The following CLK3 variants were observed in gnomAD, a reference collection of about 807,000 sequenced individuals.
The protein encoded by CLK3 is CDC like kinase 3, also known as dual specificity protein kinase CLK3.
A neutral mutation model predicts 65.2 loss-of-function variants in CLK3; 24 were observed. The ratio of observed to expected loss-of-function variants is 0.37; its 90% CI spans 0.27 to 0.52. The LOEUF is 0.52. Ranked by LOEUF, CLK3 falls within the 20% of genes least tolerant of loss-of-function variation. The pLI is 0.92. For missense variants in CLK3, 506 were observed against 660.0 expected (o/e 0.77, Z 2.56); for synonymous variants, 252 against 240.8 (o/e 1.05, Z -0.43).
chr15:74,628,635 TGGA>T lies in CLK3; in HGVS notation c.1159_1161del (p.Glu387del). ...GAAAACCGAGAGCACCTGGTGATGA[TGGA>T]GAAGATCCTAGGGCCCATCCCATCA... On this transcript the variant is annotated inframe_deletion, in exon 11 of 13. Transcript: ENST00000395066. The T allele has an allele frequency of 6.2e-7, 1 of 1,613,750 alleles. No individual in the cohort carries two copies.
rs2062179245 is a variant in CLK3 at position 74,629,820 on chromosome 15, C to T, written c.1410C>T (p.Pro470=). 2.5e-6 allele frequency: 4 copies of T among 1,612,646 alleles called. No homozygotes were observed. The highest frequency in any genetic ancestry group is 2.7e-5 in the African/African-American group (2 of 74,880). ...RITLAEALLH[P]FFAGLTPEER... ...CACTGGCCGAGGCCCTGCTGCACCC[C>T]TTCTTTGCTGGCCTGACCCCTGAGG... Residue 470 remains proline, a synonymous_variant, in exon 13 of 13, where the codon CCC becomes CCT. Transcript: ENST00000395066.
At chr15:74,615,286 G>A (rs1283622078), upstream of CLK3, 3 of 541,188 alleles carry the variant, frequency 5.5e-6, no homozygotes, top group Non-Finnish European at 8.4e-6. Flanking sequence ...AAACTGCCCC[G>A]CACGCACTGG....
chr15:74,615,740 G>A, upstream of CLK3: 1 of 1,239,030 alleles, frequency 8.1e-7, no homozygotes, highest in Non-Finnish European at 1.0e-6. Context: ...CGAGTCGGGG[G>A]CTAGAGCGGC....
upstream of CLK3, chr15:74,615,708 A>G (rs538032112): frequency 8.4e-3 from 10,432 of 1,238,224 alleles, 58 homozygotes; most frequent in Non-Finnish European, 9.3e-3. Flanking sequence ...CGGAGCGGAG[A>G]GGGCTGGTGC....
chr15:74,622,293 G>T lies in CLK3; in HGVS notation c.466+77G>T, dbSNP rs2062109893. On this transcript the variant is annotated intron_variant, in intron 4 of 12. Coordinates refer to ENST00000395066, the MANE Select transcript of CLK3 (RefSeq NM_001130028.2). This position sits in a 1 kb window ranked among gnomAD's most constrained non-coding sequence, Gnocchi z 4.6. The stretch of plus-strand genomic sequence containing the variant: ...TAGACGAGACCTCTCCTGCCTGGAG[G>T]GGCCTCTAGTGCGCGTGGTGCCTTA... 7.1e-7 allele frequency: 1 copy of T among 1,411,350 alleles called. No homozygotes were observed. The highest frequency in any genetic ancestry group is 9.9e-7 in the Non-Finnish European group (1 of 1,013,058). 87.4% of individuals were successfully genotyped at this position (1,411,350 alleles called of 1,614,324 possible).
Position 74,622,709 on chromosome 15 carries a change from G to T in CLK3, c.533+149G>T. ...AGTAGGGTTCCGACCTGTCCATGTT[G>T]GGGTTTTGCTGACCCCCTGTAATAA... is the stretch of plus-strand genomic sequence containing the variant. On this transcript the variant is annotated intron_variant, in intron 5 of 12. Transcript: ENST00000395066. This position sits in a 1 kb window ranked among gnomAD's most constrained non-coding sequence, Gnocchi z 4.6. 1 of 541,418 alleles carries T rather than the reference G, an allele frequency of 1.8e-6. No homozygotes were observed. The highest frequency in any genetic ancestry group is 3.1e-5 in the South Asian group (1 of 32,200). 33.5% of individuals were successfully genotyped at this position (541,418 alleles called of 1,614,324 possible).
At chr15:74,615,625 G>A (rs902839858), upstream of CLK3, 7 of 1,252,006 alleles carry the variant, frequency 5.6e-6, no homozygotes, top group African/African-American at 9.3e-5. Context: ...GCCGCGACAC[G>A]GCGGGAGGCG....
chr15:74,629,757 G>A lies in CLK3; in HGVS notation c.1347G>A (p.Met449Ile), dbSNP rs752049015. The A allele has an allele frequency of 1.2e-6, 2 of 1,613,656 alleles. No individual in the cohort carries two copies. The highest frequency in any genetic ancestry group is 2.2e-5 in the East Asian group (1 of 44,860). Residue 449 changes from methionine (M) to isoleucine (I), a missense_variant, in exon 13 of 13, where the codon ATG (methionine) becomes ATA (isoleucine). Physicochemically the swap from Met to Ile is conservative, Grantham distance 10. Transcript: ENST00000395066. Reference protein sequence around the residue: ...SLEHVQLFDLMRRMLEFDPAQ... With the variant: ...SLEHVQLFDLIRRMLEFDPAQ... ...AGCACGTGCAGCTGTTTGACCTGAT[G>A]AGGAGGATGTTAGAATTTGACCCTG...
At chr15:74,615,712 C>T (rs2062049746), upstream of CLK3, 25 of 1,238,962 alleles carry the variant, frequency 2.0e-5, 2 homozygotes, top group South Asian at 9.1e-4. Context: ...GCGGAGAGGG[C>T]TGGTGCCCCG....
At chr15:74,609,794 C>T (rs2061964859) in intron 1 of CLK3, among the ~76,000 whole-genome samples, 1 of 152,246 alleles carries the variant, frequency 6.6e-6, no homozygotes, top group Non-Finnish European at 1.5e-5. Context: ...CCTGGGGTCT[C>T]CTTCCAGCTT....
In CLK3 at chr15:74,627,782, C is replaced by T; in HGVS notation, c.1042+114C>T. 6.8e-7 allele frequency: 1 copy of T among 1,474,562 alleles called. No individual in the cohort carries two copies. The allele number at this position is 1,474,562 out of a possible 1,614,324, so 91.3% of individuals were successfully genotyped here. On this transcript the variant is annotated intron_variant, in intron 9 of 12. Transcript: ENST00000395066. The surrounding 1 kb of genome is among the most constrained non-coding windows in gnomAD (Gnocchi z 4.3). ...GCCACCCAGGGCAGGCAGAGTTTCT[C>T]AGACCAAGGGGCCAGTGTCATGAGA... is the stretch of plus-strand genomic sequence containing the variant.
chr15:74,624,547 G>GAAAAA lies in CLK3; in HGVS notation c.534-355_534-354insAAAAA. ...TCGGTGGGACAGCCTGGCCAGGGTT[G>GAAAAA]GGGCTGCCTGGCCTATAGGTTAGGT... On this transcript the variant is annotated intron_variant, in intron 5 of 12. Coordinates refer to ENST00000395066, the MANE Select transcript of CLK3 (RefSeq NM_001130028.2). The surrounding 1 kb of genome is among the most constrained non-coding windows in gnomAD (Gnocchi z 4.2). The GAAAAA allele has an allele frequency of 4.4e-6, 1 of 226,880 alleles. No homozygotes were observed. Among genetic ancestry groups the GAAAAA allele is most frequent in the Non-Finnish European group, 8.7e-6 (1 of 115,208 alleles). The allele number at this position is 226,880 out of a possible 1,614,324, so 14.1% of individuals were successfully genotyped here.
upstream of CLK3, chr15:74,615,614 C>T (rs1457751352): frequency 4.0e-6 from 5 of 1,251,520 alleles, no homozygotes; most frequent in African/African-American, 3.1e-5. Flanking sequence ...GACCTACGTG[C>T]GCCGCGACAC....
intron 12 of CLK3, 59 bp downstream of exon 12, chr15:74,629,091 C>A (rs2062169540): frequency 1.6e-6 from 2 of 1,262,098 alleles, no homozygotes; most frequent in Non-Finnish European, 2.3e-6. Flanking sequence ...AGGCACTGGG[C>A]AGACATACAG....
At chr15:74,618,060 T>C (rs1006286907) in intron 1 of CLK3, among the ~76,000 whole-genome samples, 1 of 152,234 alleles carries the variant, frequency 6.6e-6, no homozygotes, top group Non-Finnish European at 1.5e-5. Flanking sequence ...GGAGCTGTTC[T>C]ATGCTGCTTT....
chr15:74,628,524 C>A (rs2062161799), intron 10 of CLK3, 80 bp from the exon 11 acceptor site: 1 of 1,021,378 alleles, frequency 9.8e-7, no homozygotes, highest in Non-Finnish European at 1.5e-6. Context: ...GGGCACTTGC[C>A]CATCTTTCTT....
Position 74,629,808 on chromosome 15 carries a change from C to T in CLK3, c.1398C>T (p.Ala466=), listed in dbSNP as rs2062179078. Residue 466 remains alanine, a synonymous_variant, in exon 13 of 13, where the codon GCC becomes GCT. Coordinates refer to ENST00000395066, the MANE Select transcript of CLK3 (RefSeq NM_001130028.2). ...DPAQRITLAE[A]LLHPFFAGLT... is the part of the protein sequence containing the mutation. ...CCCAGCGCATCACACTGGCCGAGGC[C>T]CTGCTGCACCCCTTCTTTGCTGGCC... 1.9e-6 allele frequency: 3 copies of T among 1,613,076 alleles called. No homozygotes were observed. The highest frequency in any genetic ancestry group is 1.1e-5 in the South Asian group (1 of 90,954).
At chr15:74,626,898 C>G in intron 7 of CLK3, 1 of 443,010 alleles carries the variant, frequency 2.3e-6, no homozygotes. Flanking sequence ...CTCAGTCGCA[C>G]AGGACCCTGT....
At chr15:74,615,823 G>T (rs1030935767), upstream of CLK3, 3 of 1,247,286 alleles carry the variant, frequency 2.4e-6, no homozygotes, top group Admixed American at 4.2e-5. Context: ...TGCCACGGGC[G>T]GAGGTCGCAG....
Sources: allele counts gnomAD v4.1 joint callset (sites outside exome capture counted in the v4.1 genomes callset), GRCh38; gene constraint gnomAD v4.1.1; non-coding constraint Gnocchi (gnomAD v3.1); transcripts MANE v1.5; gene names NCBI Gene and HGNC (gene_info 2026-07-23, HGNC 2026-07-21).